The following MAGI2 variants were observed in gnomAD, a reference collection of about 807,000 sequenced individuals.
MAGI2 encodes membrane associated guanylate kinase, WW and PDZ domain containing 2.
In MAGI2, 35 loss-of-function variants were observed where a neutral mutation model predicts 133.3. The ratio of observed to expected loss-of-function variants is 0.26; its 90% CI spans 0.20 to 0.35. The LOEUF (loss-of-function observed/expected upper bound fraction) is 0.35. MAGI2 is among the 10% of genes least tolerant of loss of function. MAGI2 has a pLI of 1.00. For missense variants in MAGI2, 1,636 were observed against 1,863.4 expected (o/e 0.88, Z 2.25); for synonymous variants, 729 against 710.6 (o/e 1.03, Z -0.41).
chr7:79,157,943 T>A lies in MAGI2; in HGVS notation c.302-150737A>T, dbSNP rs553853495. On this transcript the variant is annotated intron_variant, in intron 1 of 21. Transcript: ENST00000354212. ...AAATGCTACAGAATCTTTGTGTGAGTGTGTGTGTGTGTGTGTGTGTGTGTG... is the reference window on the plus strand; with the variant it reads ...AAATGCTACAGAATCTTTGTGTGAGAGTGTGTGTGTGTGTGTGTGTGTGTG... Among the ~76,000 whole-genome samples the A allele has an allele frequency of 8.4e-3, 327 of 38,968 alleles. 1 individual carries two copies. Among genetic ancestry groups the A allele is most frequent in the Middle Eastern group, 0.02 (1 of 50 alleles). 25.6% of individuals were successfully genotyped at this position (38,968 alleles called of 152,430 possible).
chr7:78,130,508 A>T (rs766598713), intron 18 of MAGI2, among the ~76,000 whole-genome samples: 5 of 152,232 alleles, frequency 3.3e-5, no homozygotes, highest in Non-Finnish European at 7.3e-5. Flanking sequence ...AATGGCAAAG[A>T]GTTTTCCCTC....
chr7:79,347,366 C>T (rs569573834), intron 1 of MAGI2, among the ~76,000 whole-genome samples: 16 of 151,896 alleles, frequency 1.1e-4, no homozygotes, highest in Admixed American at 2.0e-4. Context: ...CTTAATTACT[C>T]AAGCCTCTCT....
intron 2 of MAGI2, among the ~76,000 whole-genome samples, chr7:78,715,006 T>G (rs1311076671): frequency 2.0e-5 from 3 of 152,226 alleles, no homozygotes; most frequent in Admixed American, 1.3e-4. Flanking sequence ...TAGTTCATGA[T>G]GAGACCTCTT....
rs1332562046 is a variant in MAGI2 at position 78,771,535 on chromosome 7, T to TTGGAGA, written c.419-144297_419-144296insTCTCCA. On this transcript the variant is annotated intron_variant, in intron 2 of 21. Coordinates refer to ENST00000354212, the MANE Select transcript of MAGI2 (RefSeq NM_012301.4). ...TTTTACCAATTAAGAGAAGCTAGTA[T>TTGGAGA]AGTATAATGAAATGTAATTAAACTT... Among the ~76,000 whole-genome samples, 3 of 152,222 alleles carry TTGGAGA rather than the reference T, an allele frequency of 2.0e-5. No individual in the cohort carries two copies. In the East Asian group the frequency reaches 5.8e-4, roughly 29 times the overall value.
intron 1 of MAGI2, among the ~76,000 whole-genome samples, chr7:79,390,600 G>A (rs1844531732): frequency 6.6e-6 from 1 of 152,118 alleles, no homozygotes; most frequent in African/African-American, 2.4e-5. Flanking sequence ...TGAGTTTCGA[G>A]AGGAGGTGAA....
intron 21 of MAGI2, among the ~76,000 whole-genome samples, chr7:78,077,602 T>TAGATGCTGGAAACAATGCA (rs773180706): frequency 1.7e-4 from 25 of 151,384 alleles, no homozygotes; most frequent in African/African-American, 5.8e-4. Flanking sequence ...ATTTAAGGTC[T>TAGATGCTGGAAACAATGCA]TTGAGTTTAG....
chr7:78,521,225 T>C (rs1420091395), intron 4 of MAGI2, among the ~76,000 whole-genome samples: 2 of 151,650 alleles, frequency 1.3e-5, no homozygotes, highest in Admixed American at 1.3e-4. Context: ...TTTAATTCCA[T>C]GTCCTTTCCA....
chr7:78,866,533 A>G (rs1794568679), intron 2 of MAGI2, among the ~76,000 whole-genome samples: 1 of 151,814 alleles, frequency 6.6e-6, no homozygotes, highest in Non-Finnish European at 1.5e-5. Context: ...CCTTCACACT[A>G]GTTTGTGAGT....
chr7:78,718,656 C>G (rs770122037), intron 2 of MAGI2, among the ~76,000 whole-genome samples: 45 of 151,800 alleles, frequency 3.0e-4, no homozygotes, highest in Admixed American at 5.9e-4. Context: ...CAGGGCTCCC[C>G]TTGATTCTAT....
chr7:78,703,578 A>C (rs1383679795), intron 2 of MAGI2, among the ~76,000 whole-genome samples: 2 of 152,042 alleles, frequency 1.3e-5, no homozygotes, highest in Admixed American at 1.3e-4. Flanking sequence ...GTGGTTGTCC[A>C]TGAACTAATG....
intron 4 of MAGI2, among the ~76,000 whole-genome samples, chr7:78,508,714 C>A (rs970079688): frequency 3.3e-5 from 5 of 152,126 alleles, no homozygotes; most frequent in African/African-American, 1.2e-4. Context: ...TTGAGAATTT[C>A]TGGACTATTT....
chr7:78,127,118 C>T, intron 19 of MAGI2, 79 bp downstream of exon 19: 2 of 1,170,054 alleles, frequency 1.7e-6, no homozygotes, highest in Non-Finnish European at 2.4e-6. Flanking sequence ...GTACTCTTTC[C>T]TCTGCCTCTC....
At chr7:78,969,625 C>T (rs1480067378) in intron 2 of MAGI2, among the ~76,000 whole-genome samples, 1 of 152,030 alleles carries the variant, frequency 6.6e-6, no homozygotes, top group Non-Finnish European at 1.5e-5. Flanking sequence ...CAAAAACATT[C>T]TTCCTTGATA....
intron 10 of MAGI2, chr7:78,253,757 T>C (rs1394638351): frequency 6.6e-6 from 1 of 152,184 alleles, no homozygotes; most frequent in Non-Finnish European, 1.5e-5. Context: ...ACCATGTACA[T>C]TATTACTTTA....
At chr7:78,569,293 T>C (rs1318115291) in intron 3 of MAGI2, among the ~76,000 whole-genome samples, 2 of 152,376 alleles carry the variant, frequency 1.3e-5, no homozygotes, top group African/African-American at 4.8e-5. Flanking sequence ...CTTTTTCTGT[T>C]CTGTTAAAAC....
intron 6 of MAGI2, among the ~76,000 whole-genome samples, chr7:78,460,206 T>C (rs1321591876): frequency 6.6e-6 from 1 of 152,218 alleles, no homozygotes; most frequent in Non-Finnish European, 1.5e-5. Context: ...ATTTGGTTGG[T>C]TAGCCAAAAG....
In MAGI2 at chr7:78,126,958, C is replaced by T. The variant is rs2074640; in HGVS notation, c.3423+239G>A. ...TTAGTTTATTCCATTACTACTCATCCGCTATTTATTTATGTATTTATCCAT... is the reference window on the plus strand; with the variant it reads ...TTAGTTTATTCCATTACTACTCATCTGCTATTTATTTATGTATTTATCCAT... On this transcript the variant is annotated intron_variant, in intron 19 of 21. Coordinates refer to ENST00000354212, the MANE Select transcript of MAGI2 (RefSeq NM_012301.4). Among the ~76,000 whole-genome samples, 112,511 of 152,178 alleles carry T rather than the reference C, an allele frequency of 0.74. 42,314 individuals are homozygous for T. The highest frequency in any genetic ancestry group is 0.88 in the African/African-American group (36,382 of 41,536).
At chr7:78,202,515 T>A (rs1829342796) in intron 10 of MAGI2, among the ~76,000 whole-genome samples, 1 of 151,932 alleles carries the variant, frequency 6.6e-6, no homozygotes, top group Middle Eastern at 3.4e-3. Context: ...AAACCCTGTC[T>A]CTGCTAAAAA....
At chr7:78,655,071 G>A (rs912070446) in intron 2 of MAGI2, among the ~76,000 whole-genome samples, 16 of 151,310 alleles carry the variant, frequency 1.1e-4, no homozygotes, top group South Asian at 2.1e-4. Context: ...TCGCATGCCC[G>A]TAACAAAATA....
Sources: allele counts gnomAD v4.1 joint callset (sites outside exome capture counted in the v4.1 genomes callset), GRCh38; gene constraint gnomAD v4.1.1; transcripts MANE v1.5; gene names NCBI Gene and HGNC (gene_info 2026-07-23, HGNC 2026-07-21).